The following PLCB1 variants were observed in gnomAD, a reference collection of about 807,000 sequenced individuals.
The protein encoded by PLCB1 is phospholipase C beta 1, also known as 1-phosphatidylinositol 4,5-bisphosphate phosphodiesterase beta-1.
A neutral mutation model predicts 161.8 loss-of-function variants in PLCB1; 46 were observed. That is an observed-to-expected ratio of 0.28 (90% CI 0.22 to 0.36). The LOEUF (loss-of-function observed/expected upper bound fraction) is 0.36. Among genes scored for constraint, PLCB1 ranks in the 10% least tolerant of loss-of-function variants. The pLI is 1.00. For synonymous variants in PLCB1, 517 were observed against 503.7 expected (o/e 1.03, Z -0.35); for missense variants, 1,016 against 1,472.5 (o/e 0.69, Z 5.07).
intron 3 of PLCB1, among the ~76,000 whole-genome samples, chr20:8,394,277 C>T (rs143704848): frequency 1.0e-3 from 156 of 152,088 alleles, no homozygotes; most frequent in African/African-American, 3.6e-3. Context: ...ACTACTTGGC[C>T]TTTGTGGAAG....
At chr20:8,239,912 T>C (rs1363092787) in intron 2 of PLCB1, among the ~76,000 whole-genome samples, 1 of 152,056 alleles carries the variant, frequency 6.6e-6, no homozygotes, top group African/African-American at 2.4e-5. Flanking sequence ...GGTACAAATC[T>C]ATAAAACTAT....
chr20:8,567,288 G>T (rs565209667), intron 3 of PLCB1, among the ~76,000 whole-genome samples: 2 of 152,204 alleles, frequency 1.3e-5, no homozygotes, highest in South Asian at 4.2e-4. Flanking sequence ...AAGCGGAGGG[G>T]TGCTAAAATG....
chr20:8,140,188 C>G (rs1390929508), intron 1 of PLCB1, among the ~76,000 whole-genome samples: 2 of 152,160 alleles, frequency 1.3e-5, no homozygotes, highest in Non-Finnish European at 2.9e-5. Context: ...TACAATAGCT[C>G]TCCCCAAGGG....
At chr20:8,478,272 A>C (rs905274569) in intron 3 of PLCB1, among the ~76,000 whole-genome samples, 7 of 152,216 alleles carry the variant, frequency 4.6e-5, no homozygotes, top group Admixed American at 1.3e-4. Flanking sequence ...CATGTATTTA[A>C]CTTGCAAATA....
At chr20:8,268,667 T>C (rs1263452628) in intron 2 of PLCB1, among the ~76,000 whole-genome samples, 1 of 152,244 alleles carries the variant, frequency 6.6e-6, no homozygotes, top group African/African-American at 2.4e-5. Context: ...TTCTAACTAG[T>C]GTGACATGGT....
At chr20:8,495,388 CTTTTTT>C (rs869173548) in intron 3 of PLCB1, among the ~76,000 whole-genome samples, 3 of 94,364 alleles carry the variant, frequency 3.2e-5, no homozygotes, top group African/African-American at 9.0e-5. Context: ...ACCTTCCTTT[CTTTTTT>C]TTTTTTTTTT....
chr20:8,643,578 T>C (rs1989024059), intron 4 of PLCB1, among the ~76,000 whole-genome samples: 1 of 151,868 alleles, frequency 6.6e-6, no homozygotes. Context: ...AAAAGACAAA[T>C]CAAACAAAAG....
chr20:8,486,066 C>T (rs1464547868), intron 3 of PLCB1, among the ~76,000 whole-genome samples: 1 of 152,098 alleles, frequency 6.6e-6, no homozygotes, highest in African/African-American at 2.4e-5. Flanking sequence ...GGGGGAAAAG[C>T]CCCTTATAAA....
chr20:8,801,946 T>C, intron 31 of PLCB1: 1 of 743,522 alleles, frequency 1.3e-6, no homozygotes, highest in Non-Finnish European at 2.4e-6. Context: ...AAAACTGTAC[T>C]CTAGAAGGCA....
At chr20:8,865,866 G>A (rs1051469842) in intron 31 of PLCB1, among the ~76,000 whole-genome samples, 1 of 152,182 alleles carries the variant, frequency 6.6e-6, no homozygotes, top group Non-Finnish European at 1.5e-5. Context: ...GTGGACAGGT[G>A]CCTGCAAATT....
intron 2 of PLCB1, among the ~76,000 whole-genome samples, chr20:8,209,311 A>C (rs1414876406): frequency 6.6e-6 from 1 of 152,120 alleles, no homozygotes; most frequent in East Asian, 1.9e-4. Context: ...GCCAGTTTGC[A>C]GTTTTTCAGT....
chr20:8,357,575 G>C lies in PLCB1; in HGVS notation c.178-13807G>C, dbSNP rs1005526395. ...TTACACCTGTAATCCCAGCACTCTG[G>C]GGGGGCCGAGCGAGGAGGATCCCTT... On this transcript the variant is annotated intron_variant, in intron 2 of 31. Transcript: ENST00000338037. Among the ~76,000 whole-genome samples the C allele has an allele frequency of 4.6e-5, 7 of 152,186 alleles. No homozygotes were observed. The South Asian group carries it at 6.2e-4, about 14-fold the overall frequency.
intron 31 of PLCB1, among the ~76,000 whole-genome samples, chr20:8,828,889 TG>T (rs1985845943): frequency 6.6e-6 from 1 of 152,200 alleles, no homozygotes; most frequent in African/African-American, 2.4e-5. Flanking sequence ...GTGGAATTAA[TG>T]TTCTAGAAAG....
At chr20:8,160,145 C>G (rs1277304333) in intron 2 of PLCB1, among the ~76,000 whole-genome samples, 1 of 152,166 alleles carries the variant, frequency 6.6e-6, no homozygotes, top group Admixed American at 6.5e-5. Context: ...TGCTCCAGTT[C>G]CCAATGAGTT....
chr20:8,644,704 G>T (rs1258631033), intron 4 of PLCB1, among the ~76,000 whole-genome samples: 8,408 of 150,304 alleles, frequency 0.056, 773 homozygotes, highest in African/African-American at 0.2. Flanking sequence ...GGAGGGAGGT[G>T]GGGGGGTCAG....
At position 8,252,508 on chromosome 20, in the gene PLCB1, A is replaced by G. The variant is rs74715340; in HGVS notation, c.177+102137A>G. Among the ~76,000 whole-genome samples, 58 of 152,136 alleles carry G rather than the reference A, an allele frequency of 3.8e-4. 2 individuals carry two copies. In the East Asian group the frequency reaches 0.011, roughly 30 times the overall value. ...TAGGTCATATAAATTGGTAATGCCTAATTCTAATCCAGTGATCTCATATAG... is the reference window on the plus strand; with the variant it reads ...TAGGTCATATAAATTGGTAATGCCTGATTCTAATCCAGTGATCTCATATAG... On this transcript the variant is annotated intron_variant, in intron 2 of 31. Transcript: ENST00000338037.
intron 3 of PLCB1, among the ~76,000 whole-genome samples, chr20:8,375,540 A>G (rs1987044272): frequency 6.6e-6 from 1 of 151,442 alleles, no homozygotes; most frequent in South Asian, 2.1e-4. Flanking sequence ...TCTGAGTCAC[A>G]GCATAAAGTG....
intron 2 of PLCB1, among the ~76,000 whole-genome samples, chr20:8,363,132 T>G (rs1986597098): frequency 6.6e-6 from 1 of 152,200 alleles, no homozygotes; most frequent in African/African-American, 2.4e-5. Flanking sequence ...TCCTTTTTAA[T>G]TAGTTGCATT....
chr20:8,361,064 G>A (rs1364722846), intron 2 of PLCB1, among the ~76,000 whole-genome samples: 2 of 152,170 alleles, frequency 1.3e-5, no homozygotes, highest in Non-Finnish European at 2.9e-5. Flanking sequence ...TACGTTGGTT[G>A]AGAAAATACG....
Sources: allele counts gnomAD v4.1 joint callset (sites outside exome capture counted in the v4.1 genomes callset), GRCh38; gene constraint gnomAD v4.1.1; transcripts MANE v1.5; gene names NCBI Gene and HGNC (gene_info 2026-07-23, HGNC 2026-07-21).